The following BPI variants were observed in gnomAD, a reference collection of about 807,000 sequenced individuals.
The protein encoded by BPI is bactericidal permeability-increasing protein.
In BPI, 48 loss-of-function variants were observed where a neutral mutation model predicts 57.6. The observed-to-expected ratio is 0.83, with a 90% CI of 0.66 to 1.06. BPI has a LOEUF of 1.06. Ranked by LOEUF, BPI falls within the 50% of genes least tolerant of loss-of-function variation. The pLI is 0.00. For synonymous variants in BPI, 237 were observed against 238.2 expected (o/e 0.99, Z 0.05); for missense variants, 651 against 609.7 (o/e 1.07, Z -0.71).
At chr20:38,332,928 C>T (rs540218475) in intron 12 of BPI, among the ~76,000 whole-genome samples, 1 of 152,178 alleles carries the variant, frequency 6.6e-6, no homozygotes. Context: ...TGTCCAGCGT[C>T]TTGCTACATT....
At chr20:38,317,573 T>C in intron 5 of BPI, 2 of 703,618 alleles carry the variant, frequency 2.8e-6, no homozygotes, top group Non-Finnish European at 5.3e-6. Flanking sequence ...GCACAGCCTT[T>C]TATGACCTCA....
At chr20:38,308,905 T>A (rs766599239) in intron 2 of BPI, 25 bp from the exon 3 acceptor site, 1 of 1,613,888 alleles carries the variant, frequency 6.2e-7, no homozygotes, top group Non-Finnish European at 8.5e-7. Flanking sequence ...TGAAATTATA[T>A]GACATTCACA....
At chr20:38,330,970 GTC>G (rs2076739377) in intron 11 of BPI, 76 bp from the exon 12 acceptor site, 1 of 1,529,138 alleles carries the variant, frequency 6.5e-7, no homozygotes, top group East Asian at 2.3e-5. Flanking sequence ...ACCAGAGTGG[GTC>G]TCTCCTCTCT....
Position 38,334,759 on chromosome 20 carries a change from C to T in BPI, c.1336+266C>T, listed in dbSNP as rs533663232. Among the ~76,000 whole-genome samples, 8 of 152,292 alleles carry T rather than the reference C, an allele frequency of 5.3e-5. No individual in the cohort carries two copies. In the East Asian group the frequency reaches 1.5e-3, roughly 29 times the overall value. ...GATGAAGGATTATTAACATCTCCAA[C>T]TTTTATGGCAGGAAGCGGAAGAACA... On this transcript the variant is annotated intron_variant, in intron 13 of 14. Transcript: ENST00000642449.
At chr20:38,305,508 G>A (rs899444793) in intron 1 of BPI, among the ~76,000 whole-genome samples, 4 of 152,192 alleles carry the variant, frequency 2.6e-5, no homozygotes, top group Admixed American at 6.5e-5. Flanking sequence ...CCTTTGGCAT[G>A]GCATTTGAGA....
At position 38,310,526 on chromosome 20, in the gene BPI, G is replaced by A. The variant is rs193123151; in HGVS notation, c.410G>A (p.Gly137Asp). ...MSGNFDLSIE[G>D]MSISADLKLG... ...GGCAATTTTGACCTGAGCATAGAAG[G>A]CATGTCCATTTCGGCTGATCTGAAG... The change falls in exon 4 of 15, where the codon GGC (glycine) becomes GAC (aspartate). Residue 137 changes from glycine (G) to aspartate (D), a missense_variant. By Grantham distance (94) the Gly-to-Asp change is moderately conservative (BLOSUM62 -1). Coordinates refer to ENST00000642449, the MANE Select transcript of BPI (RefSeq NM_001725.3). 3.1e-6 allele frequency: 5 copies of A among 1,614,112 alleles called. No homozygotes were observed. Among genetic ancestry groups the A allele is most frequent in the African/African-American group, 2.7e-5 (2 of 75,022 alleles).
At chr20:38,317,692 G>T (rs746222530) in intron 5 of BPI, 5 of 855,268 alleles carry the variant, frequency 5.8e-6, no homozygotes, top group South Asian at 4.3e-5. Context: ...CTCTTGGTGG[G>T]GGTGTGGCAA....
chr20:38,313,229 C>T (rs1893923696), intron 5 of BPI, among the ~76,000 whole-genome samples: 1 of 151,790 alleles, frequency 6.6e-6, no homozygotes, highest in South Asian at 2.1e-4. Flanking sequence ...ACTAAAAATA[C>T]AAAATTAGCT....
chr20:38,316,747 C>T (rs762387164), intron 5 of BPI, among the ~76,000 whole-genome samples: 19 of 152,148 alleles, frequency 1.2e-4, no homozygotes, highest in Non-Finnish European at 2.2e-4. Context: ...TATTTGTCTA[C>T]CACCTCCTAC....
At chr20:38,334,734 G>T (rs944677867) in intron 13 of BPI, among the ~76,000 whole-genome samples, 10 of 152,206 alleles carry the variant, frequency 6.6e-5, no homozygotes, top group African/African-American at 2.4e-4. Flanking sequence ...ACCCCCATGA[G>T]ATGAAGGATT....
chr20:38,330,856 G>A (rs757538147), intron 11 of BPI, among the ~76,000 whole-genome samples, 192 bp from the exon 12 acceptor site: 2 of 152,172 alleles, frequency 1.3e-5, no homozygotes, highest in Admixed American at 6.5e-5. Context: ...GGGGTCAACG[G>A]CACTAACAAT....
intron 11 of BPI, 78 bp from the exon 12 acceptor site, chr20:38,330,970 G>T: frequency 6.5e-7 from 1 of 1,529,138 alleles, no homozygotes; most frequent in Non-Finnish European, 9.1e-7. Context: ...ACCAGAGTGG[G>T]TCTCTCCTCT....
chr20:38,307,504 C>T, intron 1 of BPI, 63 bp from the exon 2 acceptor site: 1 of 1,251,426 alleles, frequency 8.0e-7, no homozygotes. Flanking sequence ...AGAGCCTGCC[C>T]TGCCCCTCTG....
intron 1 of BPI, among the ~76,000 whole-genome samples, chr20:38,305,478 C>A (rs2076592678): frequency 6.6e-6 from 1 of 152,216 alleles, no homozygotes; most frequent in African/African-American, 2.4e-5. Flanking sequence ...CTCCCTACTG[C>A]CTTCAGAAGC....
intron 3 of BPI, among the ~76,000 whole-genome samples, 190 bp from the exon 4 acceptor site, chr20:38,310,301 A>G (rs11905245): frequency 8.3e-4 from 127 of 152,282 alleles, no homozygotes; most frequent in African/African-American, 2.9e-3. Flanking sequence ...TGAGTTCCGA[A>G]TTCAGGTTGG....
At chr20:38,316,492 T>C (rs2076652669) in intron 5 of BPI, among the ~76,000 whole-genome samples, 1 of 152,170 alleles carries the variant, frequency 6.6e-6, no homozygotes, top group African/African-American at 2.4e-5. Context: ...TGGCCACATG[T>C]TGGGAGCAGT....
intron 12 of BPI, among the ~76,000 whole-genome samples, chr20:38,332,558 C>G (rs781337933): frequency 1.3e-5 from 2 of 152,144 alleles, no homozygotes; most frequent in African/African-American, 4.8e-5. Flanking sequence ...TGGTCAATGT[C>G]TGGCAGATTT....
At chr20:38,331,172 A>T in intron 12 of BPI, 82 bp downstream of exon 12, 1 of 1,472,562 alleles carries the variant, frequency 6.8e-7, no homozygotes, top group Non-Finnish European at 9.4e-7. Flanking sequence ...TCAAGGCATT[A>T]TTTAAGAGGC....
intron 10 of BPI, among the ~76,000 whole-genome samples, chr20:38,326,960 CTT>C: frequency 6.6e-6 from 1 of 152,312 alleles, no homozygotes; most frequent in African/African-American, 2.4e-5. Flanking sequence ...TCATGCATAT[CTT>C]TGTTATTCTT....
Sources: allele counts gnomAD v4.1 joint callset (sites outside exome capture counted in the v4.1 genomes callset), GRCh38; gene constraint gnomAD v4.1.1; transcripts MANE v1.5; gene names NCBI Gene and HGNC (gene_info 2026-07-23, HGNC 2026-07-21).